The following DNAJC17 variants were observed in gnomAD, a reference collection of about 807,000 sequenced individuals.
The protein encoded by DNAJC17 is dnaJ homolog subfamily C member 17.
In DNAJC17, 35 loss-of-function variants were observed where a neutral mutation model predicts 48.1. That is an observed-to-expected ratio of 0.73 (90% confidence interval 0.56 to 0.96). DNAJC17 has a LOEUF of 0.96. Ranked by LOEUF, DNAJC17 falls within the 50% of genes least tolerant of loss-of-function variation. DNAJC17 has a pLI of 0.00. For missense variants in DNAJC17, 355 were observed against 377.1 expected (o/e 0.94, Z 0.48); for synonymous variants, 117 against 142.7 (o/e 0.82, Z 1.28).
chr15:40,780,278 C>G (rs749701310), intron 1 of DNAJC17: 1 of 592,008 alleles, frequency 1.7e-6, no homozygotes. Flanking sequence ...AGCACAGTAC[C>G]CCGCTTTCTC....
rs575483650 is a variant in DNAJC17 at position 40,773,237 on chromosome 15, G to A, written c.792+490C>T. 5.9e-5 allele frequency among the ~76,000 whole-genome samples: 9 copies of A among 152,284 alleles called. No homozygotes were observed. In the East Asian group the frequency reaches 1.5e-3, roughly 26 times the overall value. ...GGCCTCCCAAAGTGCTGGGATTAAC[G>A]GCATGAGCCACTGCGCCCAGCCTGC... On this transcript the variant is annotated intron_variant, in intron 10 of 10. Coordinates refer to ENST00000220496, the MANE Select transcript of DNAJC17 (RefSeq NM_018163.3).
At chr15:40,779,799 G>T in intron 2 of DNAJC17, 129 bp downstream of exon 2, 1 of 1,191,444 alleles carries the variant, frequency 8.4e-7, no homozygotes, top group East Asian at 2.5e-5. Flanking sequence ...GGAAGCCCTG[G>T]GACCCATTGC....
intron 1 of DNAJC17, among the ~76,000 whole-genome samples, chr15:40,796,312 T>C (rs550135709): frequency 6.6e-6 from 1 of 152,298 alleles, no homozygotes; most frequent in African/African-American, 2.4e-5. Flanking sequence ...GGGCATGTAC[T>C]ATAAGGTGTA....
intron 1 of DNAJC17, among the ~76,000 whole-genome samples, chr15:40,785,835 A>C (rs978617605): frequency 1.3e-5 from 2 of 152,230 alleles, no homozygotes; most frequent in African/African-American, 2.4e-5. Flanking sequence ...GTAGCCTGAG[A>C]TCTTCCAGAG....
intron 1 of DNAJC17, among the ~76,000 whole-genome samples, chr15:40,781,303 C>G (rs1596083287): frequency 6.6e-6 from 1 of 151,622 alleles, no homozygotes; most frequent in African/African-American, 2.4e-5. Flanking sequence ...AGTTCGAGAC[C>G]AGCCTCGCCA....
At chr15:40,768,197 G>A (rs1889009297) in intron 10 of DNAJC17, 135 bp from the exon 11 acceptor site, 2 of 1,235,794 alleles carry the variant, frequency 1.6e-6, no homozygotes, top group Non-Finnish European at 2.1e-6. Flanking sequence ...GAAGGAACCC[G>A]GAGCATCCTT....
chr15:40,775,706 A>C (rs974509681), intron 6 of DNAJC17, 110 bp from the exon 7 acceptor site: 2 of 1,103,376 alleles, frequency 1.8e-6, no homozygotes, highest in African/African-American at 3.1e-5. Flanking sequence ...CTCCTGACCA[A>C]GGGCAATGCC....
intron 1 of DNAJC17, among the ~76,000 whole-genome samples, chr15:40,788,422 C>A (rs975623116): frequency 3.3e-5 from 5 of 152,150 alleles, no homozygotes; most frequent in Admixed American, 6.5e-5. Flanking sequence ...ATGGGCCGGG[C>A]ACGGTGGCTC....
intron 1 of DNAJC17, among the ~76,000 whole-genome samples, chr15:40,793,020 G>C (rs890349075): frequency 6.6e-6 from 1 of 150,994 alleles, no homozygotes; most frequent in Non-Finnish European, 1.5e-5. Context: ...AGCCTCCCGA[G>C]TAGCTGGGAC....
At position 40,767,342 on chromosome 15, in the gene DNAJC17, A is replaced by T; in HGVS notation, c.*598T>A. On this transcript the variant is annotated 3_prime_UTR_variant, in exon 11 of 11. Transcript: ENST00000220496. ...CAGACGCTGGTGTGGTGTCTGCACA[A>T]GGAGTGACCTTCTCATGCTGATTTG... The T allele has an allele frequency of 6.3e-7, 1 of 1,598,504 alleles. No homozygotes were observed. Among genetic ancestry groups the T allele is most frequent in the Non-Finnish European group, 8.5e-7 (1 of 1,173,722 alleles).
chr15:40,774,859 G>A (rs746745656), intron 8 of DNAJC17, 172 bp downstream of exon 8: 1 of 688,006 alleles, frequency 1.5e-6, no homozygotes, highest in Non-Finnish European at 2.4e-6. Context: ...ACAAGTGAAA[G>A]CAAGGCTGTA....
At chr15:40,806,348 A>T (rs891102698) in intron 1 of DNAJC17, among the ~76,000 whole-genome samples, 10 of 149,312 alleles carry the variant, frequency 6.7e-5, no homozygotes, top group African/African-American at 2.5e-4. Context: ...CCTCCCAAGT[A>T]GCTGGGACTA....
intron 1 of DNAJC17, 112 bp downstream of exon 1, chr15:40,807,257 C>T (rs1228560419): frequency 1.3e-6 from 2 of 1,593,482 alleles, no homozygotes; most frequent in Non-Finnish European, 1.7e-6. Context: ...CCCTCGCTCC[C>T]CGCCCAGGAC....
rs1456780139 is a variant in DNAJC17, at chr15:40,769,277, A to G, written c.793-1215T>C. ...GCAAGAGAAGGAGGACCCCAGAGGA[A>G]GCCCGGTAGCCAGAGGGGAAGGGCT... On this transcript the variant is annotated intron_variant, in intron 10 of 10. Transcript: ENST00000220496. The surrounding 1 kb of genome is among the most constrained non-coding windows in gnomAD (Gnocchi z 4.2). Among the ~76,000 whole-genome samples the G allele has an allele frequency of 1.3e-5, 2 of 152,214 alleles. No individual in the cohort carries two copies. The highest frequency in any genetic ancestry group is 2.9e-5 in the Non-Finnish European group (2 of 68,014).
chr15:40,768,089 G>A lies in DNAJC17; in HGVS notation c.793-27C>T, dbSNP rs202141306. 3 of 1,523,102 alleles carry A rather than the reference G, an allele frequency of 2.0e-6. No individual in the cohort carries two copies. In the East Asian group the frequency reaches 7.0e-5, roughly 35 times the overall value. 94.3% of individuals were successfully genotyped at this position (1,523,102 alleles called of 1,614,324 possible). Reference sequence around the variant, plus strand: ...TGTCGGACAGGGCAGGGACAGGGAGGGGTCAGGGACAGCAGGGCACAGCCT... The same window carrying A: ...TGTCGGACAGGGCAGGGACAGGGAGAGGTCAGGGACAGCAGGGCACAGCCT... On this transcript the variant is annotated intron_variant, in intron 10 of 10. Transcript: ENST00000220496.
intron 3 of DNAJC17, 69 bp from the exon 4 acceptor site, chr15:40,779,379 C>A: frequency 6.3e-7 from 1 of 1,588,200 alleles, no homozygotes; most frequent in African/African-American, 1.3e-5. Context: ...GGCAATCTGC[C>A]TGGCCCCTAG....
chr15:40,773,885 A>T (rs1439338529), intron 9 of DNAJC17, 48 bp from the exon 10 acceptor site: 1 of 1,533,556 alleles, frequency 6.5e-7, no homozygotes, highest in African/African-American at 1.4e-5. Flanking sequence ...AGTCAGCTAT[A>T]AAGAGGCTCT....
intron 10 of DNAJC17, among the ~76,000 whole-genome samples, chr15:40,768,462 G>A (rs1283286616): frequency 6.6e-6 from 1 of 152,210 alleles, no homozygotes; most frequent in Non-Finnish European, 1.5e-5. Flanking sequence ...GAAGTTGTCT[G>A]AGGAGCAGGG....
At chr15:40,790,348 T>C (rs977662496) in intron 1 of DNAJC17, among the ~76,000 whole-genome samples, 17 of 151,794 alleles carry the variant, frequency 1.1e-4, no homozygotes, top group African/African-American at 4.1e-4. Flanking sequence ...CTGAGGCGGG[T>C]GGATCACTTG....
Sources: gnomAD v4.1 joint callset for allele counts (sites outside exome capture counted in the v4.1 genomes callset) on GRCh38, gnomAD v4.1.1 for gene constraint, Gnocchi (gnomAD v3.1) non-coding constraint, MANE v1.5 for transcripts, NCBI Gene and HGNC (gene_info 2026-07-23, HGNC 2026-07-21) for gene names.